The following LIPA variants were observed in gnomAD, a reference collection of about 807,000 sequenced individuals.
LIPA encodes lipase A, lysosomal acid type, also known as lysosomal acid lipase/cholesteryl ester hydrolase.
LIPA carries 26 observed loss-of-function variants against 40.6 expected under a neutral mutation model. The observed-to-expected ratio is 0.64, with a 90% CI of 0.47 to 0.89. The LOEUF (loss-of-function observed/expected upper bound fraction) is 0.89. LIPA is among the 40% of genes least tolerant of loss of function. The probability of loss-of-function intolerance (pLI) is 0.00; values close to 1 mark genes in which losing one functional copy is unlikely to be tolerated. For synonymous variants in LIPA, 188 were observed against 168.4 expected, an observed-to-expected ratio of 1.12 and a Z score of -0.90; for missense variants, 455 against 479.6, an observed-to-expected ratio of 0.95 and a Z score of 0.48.
intron 1 of LIPA, among the ~76,000 whole-genome samples, chr10:89,271,202 A>G (rs772013644): frequency 6.6e-5 from 10 of 152,226 alleles, no homozygotes; most frequent in African/African-American, 2.2e-4. Context: ...TCTACTTTAT[A>G]GATGGTTCTG....
At chr10:89,376,921 G>A (rs1844126125) in intron 2 of LIPA, among the ~76,000 whole-genome samples, 1 of 152,172 alleles carries the variant, frequency 6.6e-6, no homozygotes, top group Non-Finnish European at 1.5e-5. Context: ...CGAGGCTACA[G>A]TTTCATTTGG....
At chr10:89,378,834 A>T (rs1235953941) in intron 2 of LIPA, among the ~76,000 whole-genome samples, 1 of 152,226 alleles carries the variant, frequency 6.6e-6, no homozygotes, top group Non-Finnish European at 1.5e-5. Flanking sequence ...AATGCTCTTA[A>T]GGAAATAAAC....
At chr10:89,286,634 C>G (rs1317262316) in intron 1 of LIPA, among the ~76,000 whole-genome samples, 1 of 152,150 alleles carries the variant, frequency 6.6e-6, no homozygotes, top group Non-Finnish European at 1.5e-5. Flanking sequence ...TGGCATCAAC[C>G]CTGAGATGCT....
intron 2 of LIPA, among the ~76,000 whole-genome samples, chr10:89,400,901 A>G (rs78815885): frequency 0.023 from 3,468 of 151,948 alleles, 143 homozygotes; most frequent in African/African-American, 0.078. Flanking sequence ...TAGGTTTTTC[A>G]TATATGGCTT....
intron 3 of LIPA, among the ~76,000 whole-genome samples, chr10:89,234,399 G>A (rs1842879487): frequency 6.6e-6 from 1 of 152,226 alleles, no homozygotes; most frequent in Non-Finnish European, 1.5e-5. Flanking sequence ...CTTCTGAGGA[G>A]GGAGATGCAG....
intron 3 of LIPA, among the ~76,000 whole-genome samples, chr10:89,231,646 T>A (rs1442597041): frequency 2.0e-5 from 3 of 152,112 alleles, no homozygotes; most frequent in Non-Finnish European, 4.4e-5. Context: ...GCCAATTTTT[T>A]AAAAAACTTT....
chr10:89,279,008 T>C, intron 1 of LIPA, among the ~76,000 whole-genome samples: 1 of 152,338 alleles, frequency 6.6e-6, no homozygotes, highest in African/African-American at 2.4e-5. Flanking sequence ...TGCTTGTAGC[T>C]AATGTAGAAC....
In LIPA at chr10:89,275,681, G is replaced by A. The variant is rs139287557; in HGVS notation, c.-1-28032C>T. 8.5e-5 allele frequency among the ~76,000 whole-genome samples: 13 copies of A among 152,276 alleles called. No homozygotes were observed. In the East Asian group the frequency reaches 1.9e-3, roughly 23 times the overall value. ...TGACTAATACACAATCAGAGATATC[G>A]AGTGAAACTGGGATTAGAAAACTAG... On this transcript the variant is annotated intron_variant, in intron 1 of 5. Transcript: ENST00000282673.
chr10:89,308,829 T>A (rs1843499744), intron 1 of LIPA: 1 of 152,248 alleles, frequency 6.6e-6, no homozygotes, highest in African/African-American at 2.4e-5. Context: ...AAACATCTTG[T>A]TGCACGCATT....
At chr10:89,281,889 C>T (rs1309085520) in intron 1 of LIPA, among the ~76,000 whole-genome samples, 1 of 152,230 alleles carries the variant, frequency 6.6e-6, no homozygotes, top group African/African-American at 2.4e-5. Flanking sequence ...ACTATCCCTA[C>T]TTAGTGTTCC....
chr10:89,400,324 G>T (rs1004877647), intron 2 of LIPA, among the ~76,000 whole-genome samples: 8 of 152,086 alleles, frequency 5.3e-5, no homozygotes, highest in African/African-American at 1.9e-4. Flanking sequence ...ATGTCATTGG[G>T]ATTTTTATTA....
At position 89,378,946 on chromosome 10, in the gene LIPA, G is replaced by A. The variant is rs775954809; in HGVS notation, c.61+33845C>T. ...TAAAGACTGTTCACCAGGGAACAGA[G>A]GCCTGAGCCTAGAGAGGAGACTGGC... On this transcript the variant is annotated intron_variant, in intron 2 of 8. Transcript: ENST00000371837. 4.6e-5 allele frequency among the ~76,000 whole-genome samples: 7 copies of A among 152,232 alleles called. No individual in the cohort carries two copies. The East Asian group carries it at 1.3e-3, about 29-fold the overall frequency.
chr10:89,364,567 C>A (rs1424411794), intron 2 of LIPA, among the ~76,000 whole-genome samples: 2 of 151,700 alleles, frequency 1.3e-5, no homozygotes, highest in East Asian at 3.8e-4. Flanking sequence ...ATTATTATAG[C>A]TTTATAACAA....
chr10:89,323,702 A>G (rs192600371), intron 1 of LIPA, among the ~76,000 whole-genome samples: 1 of 152,318 alleles, frequency 6.6e-6, no homozygotes, highest in East Asian at 1.9e-4. Context: ...CAAAAAGAAT[A>G]AAATACCTAG....
chr10:89,411,463 T>C (rs1841468564), intron 2 of LIPA, among the ~76,000 whole-genome samples: 1 of 152,224 alleles, frequency 6.6e-6, no homozygotes, highest in Non-Finnish European at 1.5e-5. Context: ...TCTAAGTTAA[T>C]ATGGACTGAA....
At chr10:89,358,771 G>A (rs1844003297) in intron 2 of LIPA, among the ~76,000 whole-genome samples, 1 of 152,162 alleles carries the variant, frequency 6.6e-6, no homozygotes, top group South Asian at 2.1e-4. Context: ...CCAAAGGCTG[G>A]GAAGGGTAGA....
chr10:89,405,716 T>A (rs1844518729), intron 2 of LIPA: 1 of 152,218 alleles, frequency 6.6e-6, no homozygotes, highest in Non-Finnish European at 1.5e-5. Context: ...TCTTCACATC[T>A]CCTTCTCTCC....
At chr10:89,310,564 A>C (rs557988880) in intron 1 of LIPA, among the ~76,000 whole-genome samples, 1 of 152,082 alleles carries the variant, frequency 6.6e-6, no homozygotes, top group Admixed American at 6.5e-5. Context: ...TTAATAGTGC[A>C]GCTACCTCAT....
intron 2 of LIPA, among the ~76,000 whole-genome samples, chr10:89,353,283 C>T (rs1843969719): frequency 6.6e-6 from 1 of 152,170 alleles, no homozygotes; most frequent in Non-Finnish European, 1.5e-5. Context: ...CACTAAGAGG[C>T]AAAATGGCAG....
Sources: gnomAD v4.1 joint callset for allele counts (sites outside exome capture counted in the v4.1 genomes callset) on GRCh38, gnomAD v4.1.1 for gene constraint, MANE v1.5 for transcripts, NCBI Gene and HGNC (gene_info 2026-07-23, HGNC 2026-07-21) for gene names.